IL36B: variants seen among roughly 807,000 people sequenced by gnomAD.
IL36B encodes interleukin-36 beta.
In IL36B, 23 loss-of-function variants were observed where a neutral mutation model predicts 19.3. The ratio of observed to expected loss-of-function variants is 1.19; its 90% CI spans 0.86 to 1.69. The LOEUF (loss-of-function observed/expected upper bound fraction) is 1.69, where lower values mean the gene tolerates loss of function less well. IL36B is among the 40% of genes most tolerant of loss of function. The pLI, the probability that IL36B is intolerant of heterozygous loss-of-function variation, is 0.00. For missense variants in IL36B, 217 were observed against 200.5 expected (o/e 1.08, Z -0.50); for synonymous variants, 59 against 59.7 (o/e 0.99, Z 0.05).
At chr2:113,022,852 TAA>T in intron 5 of IL36B, 1 of 968,102 alleles carries the variant, frequency 1.0e-6, no homozygotes, top group Non-Finnish European at 1.7e-6. Flanking sequence ...GAATAGGGGC[TAA>T]AAGGGCAGAT....
At chr2:113,037,870 C>A (rs551352177) in intron 1 of IL36B, among the ~76,000 whole-genome samples, 1 of 152,182 alleles carries the variant, frequency 6.6e-6, no homozygotes, top group Non-Finnish European at 1.5e-5. Flanking sequence ...CTACATTTTA[C>A]GTGTTGATTT....
chr2:113,032,738 G>A (rs1348483462), intron 1 of IL36B, among the ~76,000 whole-genome samples: 3 of 152,174 alleles, frequency 2.0e-5, no homozygotes, highest in African/African-American at 7.2e-5. Context: ...ATGAAAAGCT[G>A]GTCCAGGACT....
chr2:113,026,865 A>T (rs1013549408), intron 4 of IL36B, among the ~76,000 whole-genome samples: 7 of 152,230 alleles, frequency 4.6e-5, no homozygotes, highest in African/African-American at 1.7e-4. Flanking sequence ...TAAAATATGG[A>T]TTGGTTTACA....
chr2:113,027,125 C>G lies in IL36B; in HGVS notation c.262-893G>C, dbSNP rs529222403. On this transcript the variant is annotated intron_variant, in intron 4 of 5. Transcript: ENST00000259213. ...GGAAAGAAAATACTATTAAGAAACTCGTAAGGAAGAGAAAACATATTTATT... is the reference window on the plus strand; with the variant it reads ...GGAAAGAAAATACTATTAAGAAACTGGTAAGGAAGAGAAAACATATTTATT... Among the ~76,000 whole-genome samples, 85 of 152,204 alleles carry G rather than the reference C, an allele frequency of 5.6e-4. 1 individual carries two copies. Among genetic ancestry groups the G allele is most frequent in the Middle Eastern group, 3.4e-3 (1 of 294 alleles).
chr2:113,027,895 G>A, intron 4 of IL36B: 1 of 1,613,878 alleles, frequency 6.2e-7, no homozygotes, highest in Non-Finnish European at 8.5e-7. Flanking sequence ...CCACAGCCTA[G>A]GCTGGATTTA....
intron 1 of IL36B, among the ~76,000 whole-genome samples, chr2:113,042,513 T>A (rs1685276649): frequency 2.0e-5 from 3 of 152,212 alleles, no homozygotes; most frequent in Admixed American, 2.0e-4. Context: ...TCACCAGGAA[T>A]CTACAGATCT....
chr2:113,036,933 G>A (rs546383156), intron 1 of IL36B, among the ~76,000 whole-genome samples: 2 of 152,326 alleles, frequency 1.3e-5, no homozygotes, highest in Admixed American at 6.5e-5. Flanking sequence ...GGGAATTTGC[G>A]CTGCTCCGAT....
At chr2:113,026,657 G>T (rs988367570) in intron 4 of IL36B, among the ~76,000 whole-genome samples, 8 of 152,136 alleles carry the variant, frequency 5.3e-5, no homozygotes, top group Non-Finnish European at 8.8e-5. Context: ...TCACAAAATG[G>T]ACAACTGGCT....
chr2:113,037,030 C>A (rs569238565), intron 1 of IL36B, among the ~76,000 whole-genome samples: 10 of 152,230 alleles, frequency 6.6e-5, no homozygotes, highest in Non-Finnish European at 1.2e-4. Context: ...GTTGAGGGAA[C>A]CTTGGCTCTG....
rs182595117 is a variant in IL36B, at chr2:113,029,241, C to G, written c.122-163G>C. Reference sequence around the variant, plus strand: ...CTATTTTGTTTTTCGTCCTTAATAACAGAACCCCAGTTGTCACCAGGACAT... The same window carrying G: ...CTATTTTGTTTTTCGTCCTTAATAAGAGAACCCCAGTTGTCACCAGGACAT... On this transcript the variant is annotated intron_variant, in intron 3 of 5. Transcript: ENST00000259213. 9.8e-5 allele frequency among the ~76,000 whole-genome samples: 15 copies of G among 152,296 alleles called. No individual in the cohort carries two copies. The East Asian group carries it at 2.5e-3, about 25-fold the overall frequency.
At position 113,026,791 on chromosome 2, in the gene IL36B, A is replaced by G. The variant is rs1684970065; in HGVS notation, c.262-559T>C. Among the ~76,000 whole-genome samples, 3 of 152,222 alleles carry G rather than the reference A, an allele frequency of 2.0e-5. No homozygotes were observed. The South Asian group carries it at 6.2e-4, about 32-fold the overall frequency. On this transcript the variant is annotated intron_variant, in intron 4 of 5. Coordinates refer to ENST00000259213, the MANE Select transcript of IL36B (RefSeq NM_014438.5). ...TCTTCCAGCAACTTTATAAAGTAAA[A>G]ACAAAAAAACATTCAGTTCTAGAAG...
chr2:113,023,548 T>C (rs1684899468), intron 5 of IL36B, among the ~76,000 whole-genome samples: 1 of 152,222 alleles, frequency 6.6e-6, no homozygotes, highest in South Asian at 2.1e-4. Flanking sequence ...TTTTGATGGT[T>C]GCTATTAGAT....
chr2:113,042,863 C>T (rs949997969), intron 1 of IL36B, among the ~76,000 whole-genome samples: 2 of 150,880 alleles, frequency 1.3e-5, no homozygotes, highest in Non-Finnish European at 3.0e-5. Flanking sequence ...CAGAAACTAC[C>T]TTTTTTTTTC....
chr2:113,023,802 C>G (rs1246155142), intron 5 of IL36B, among the ~76,000 whole-genome samples: 2 of 152,130 alleles, frequency 1.3e-5, no homozygotes, highest in Admixed American at 6.5e-5. Context: ...GTTAACTGAT[C>G]AGTTCTTTAA....
At chr2:113,047,473 T>A (rs973466595) in intron 1 of IL36B, among the ~76,000 whole-genome samples, 1 of 152,234 alleles carries the variant, frequency 6.6e-6, no homozygotes, top group Non-Finnish European at 1.5e-5. Context: ...TTGAGCTTAA[T>A]TCCGTAGTGT....
intron 1 of IL36B, among the ~76,000 whole-genome samples, chr2:113,044,389 C>A (rs1685313115): frequency 6.6e-6 from 1 of 151,718 alleles, no homozygotes; most frequent in Non-Finnish European, 1.5e-5. Context: ...AACTCCTGAG[C>A]TCAAGTGATC....
chr2:113,041,567 T>C (rs1214612798), intron 1 of IL36B, among the ~76,000 whole-genome samples: 1 of 69,744 alleles, frequency 1.4e-5, no homozygotes, highest in East Asian at 7.3e-4. Flanking sequence ...CAGAAAGAAA[T>C]AACCATGAAA....
intron 1 of IL36B, among the ~76,000 whole-genome samples, chr2:113,052,113 C>T (rs35945650): frequency 5.9e-5 from 9 of 152,140 alleles, no homozygotes; most frequent in African/African-American, 2.2e-4. Context: ...CTATGCCCAA[C>T]TAGTTTTTGT....
intron 1 of IL36B, among the ~76,000 whole-genome samples, chr2:113,037,649 CAAA>C (rs558737151): frequency 7.4e-6 from 1 of 135,920 alleles, no homozygotes; most frequent in Non-Finnish European, 1.6e-5. Flanking sequence ...AACTCTATCT[CAAA>C]AAAAAAAAAA....
Sources: gnomAD v4.1 joint callset for allele counts (sites outside exome capture counted in the v4.1 genomes callset) on GRCh38, gnomAD v4.1.1 for gene constraint, MANE v1.5 for transcripts, NCBI Gene and HGNC (gene_info 2026-07-23, HGNC 2026-07-21) for gene names.